Variants in CCDC148 observed in about 807,000 individuals in gnomAD.
CCDC148 encodes the protein coiled-coil domain-containing protein 148.
Under a neutral mutation model 85.7 loss-of-function variants are expected in CCDC148, and 89 were observed. The observed-to-expected ratio is 1.04, with a 90% CI of 0.87 to 1.24. The LOEUF (loss-of-function observed/expected upper bound fraction) is 1.24. Ranked by LOEUF, CCDC148 falls within the 50% of genes most tolerant of loss-of-function variation. CCDC148 has a pLI of 0.00. For missense variants in CCDC148, 692 were observed against 671.7 expected, an observed-to-expected ratio of 1.03 and a Z score of -0.33; for synonymous variants, 230 against 213.9, an observed-to-expected ratio of 1.08 and a Z score of -0.66.
intron 1 of CCDC148, among the ~76,000 whole-genome samples, chr2:158,371,336 C>A (rs975287808): frequency 6.6e-6 from 1 of 151,802 alleles, no homozygotes; most frequent in African/African-American, 2.4e-5. Flanking sequence ...TTTTTTAATG[C>A]TCTTTGGGAA....
intron 10 of CCDC148, among the ~76,000 whole-genome samples, chr2:158,244,532 C>G (rs1313885752): frequency 6.6e-6 from 1 of 152,120 alleles, no homozygotes; most frequent in Non-Finnish European, 1.5e-5. Context: ...TGGCCATCAG[C>G]CCGGGCCACC....
chr2:158,192,917 A>C (rs1461760893), intron 11 of CCDC148, among the ~76,000 whole-genome samples: 1 of 152,062 alleles, frequency 6.6e-6, no homozygotes, highest in Admixed American at 6.6e-5. Context: ...TATGTCCAAA[A>C]GATTATAATT....
At chr2:158,331,760 A>T (rs988597504) in intron 7 of CCDC148, among the ~76,000 whole-genome samples, 1 of 152,130 alleles carries the variant, frequency 6.6e-6, no homozygotes, top group African/African-American at 2.4e-5. Context: ...CCATTATGTA[A>T]TCACCTTCTT....
At chr2:158,327,068 A>G (rs1692814237) in intron 7 of CCDC148, among the ~76,000 whole-genome samples, 1 of 152,150 alleles carries the variant, frequency 6.6e-6, no homozygotes, top group Non-Finnish European at 1.5e-5. Flanking sequence ...TCCTATTGAT[A>G]TTAAGGTTTT....
Position 158,176,108 on chromosome 2 carries a change from C to G in CCDC148, c.1629+413G>C, listed in dbSNP as rs143129222. Among the ~76,000 whole-genome samples the G allele has an allele frequency of 5.0e-3, 767 of 152,022 alleles. 2 individuals carry two copies. The highest frequency in any genetic ancestry group is 0.017 in the African/African-American group (698 of 41,514). On this transcript the variant is annotated intron_variant, in intron 13 of 13. Coordinates refer to ENST00000283233, the MANE Select transcript of CCDC148 (RefSeq NM_138803.4). ...TTCTGTTCATTTTCATTTCTAAAAA[C>G]TTTCCTCTGCTTTGTCATCAGTATC... is the stretch of plus-strand genomic sequence containing the variant.
rs192925603 is a variant in CCDC148 at position 158,292,903 on chromosome 2, T to C, written c.1110+16530A>G. Among the ~76,000 whole-genome samples the C allele has an allele frequency of 2.4e-3, 358 of 152,324 alleles. 3 individuals carry two copies. Among genetic ancestry groups the C allele is most frequent in the African/African-American group, 8.2e-3 (343 of 41,578 alleles). ...AAAGGAGTACACAAGATTCCTCCTA[T>C]AGCACTTTTTTAATAAAGTCAATTT... On this transcript the variant is annotated intron_variant, in intron 9 of 13. Transcript: ENST00000283233.
intron 1 of CCDC148, among the ~76,000 whole-genome samples, chr2:158,401,011 A>T (rs1685756030): frequency 6.6e-6 from 1 of 152,234 alleles, no homozygotes; most frequent in Non-Finnish European, 1.5e-5. Context: ...ATATCATCTC[A>T]CGCCAGTTAG....
chr2:158,376,983 G>A (rs1684677076), intron 1 of CCDC148, among the ~76,000 whole-genome samples: 1 of 151,966 alleles, frequency 6.6e-6, no homozygotes, highest in Non-Finnish European at 1.5e-5. Context: ...GGTGATGTGA[G>A]GAGAGGGGCT....
At chr2:158,280,677 G>A (rs374795570) in intron 9 of CCDC148, among the ~76,000 whole-genome samples, 8 of 152,150 alleles carry the variant, frequency 5.3e-5, no homozygotes, top group Non-Finnish European at 1.0e-4. Context: ...CATTAATAAC[G>A]GGAGACTTTA....
chr2:158,216,483 G>A (rs1471546136), intron 11 of CCDC148, among the ~76,000 whole-genome samples: 19 of 130,412 alleles, frequency 1.5e-4, no homozygotes, highest in Admixed American at 1.2e-3. Context: ...TGCAACCTCC[G>A]CCTCCTGGGT....
At chr2:158,413,736 G>A (rs1686369972) in intron 1 of CCDC148, among the ~76,000 whole-genome samples, 1 of 152,086 alleles carries the variant, frequency 6.6e-6, no homozygotes, top group Non-Finnish European at 1.5e-5. Context: ...TGTGTAGCAT[G>A]AGAGTTGTAT....
chr2:158,406,449 G>A (rs989741921), intron 1 of CCDC148, among the ~76,000 whole-genome samples: 1 of 151,968 alleles, frequency 6.6e-6, no homozygotes, highest in Admixed American at 6.6e-5. Context: ...GGGCTAGTGT[G>A]AGGTCTGAGC....
At chr2:158,406,577 C>G (rs1475434323) in intron 1 of CCDC148, among the ~76,000 whole-genome samples, 1 of 145,174 alleles carries the variant, frequency 6.9e-6, no homozygotes, top group Non-Finnish European at 1.5e-5. Context: ...AAAGTGCACA[C>G]TCTTGAGGTT....
At chr2:158,345,418 C>A (rs1220843833) in intron 2 of CCDC148, 100 bp from the exon 3 acceptor site, 2 of 761,078 alleles carry the variant, frequency 2.6e-6, no homozygotes, top group South Asian at 2.1e-5. Context: ...TAAATAGTTT[C>A]TCTTTTAAAA....
At chr2:158,417,101 C>T (rs1686535285) in intron 1 of CCDC148, among the ~76,000 whole-genome samples, 1 of 152,098 alleles carries the variant, frequency 6.6e-6, no homozygotes, top group Non-Finnish European at 1.5e-5. Context: ...GGGGGAATTC[C>T]ACCCTCATGA....
chr2:158,189,852 T>C (rs536064422), intron 11 of CCDC148, among the ~76,000 whole-genome samples: 57 of 151,912 alleles, frequency 3.8e-4, no homozygotes, highest in African/African-American at 1.3e-3. Flanking sequence ...CTCCTGTGTA[T>C]CCCCAAGAAC....
chr2:158,359,704 C>A (rs1319338008), intron 1 of CCDC148, among the ~76,000 whole-genome samples: 3 of 152,196 alleles, frequency 2.0e-5, no homozygotes, highest in African/African-American at 7.2e-5. Flanking sequence ...CAGGAGATTT[C>A]CTCAAATGCC....
At chr2:158,229,112 T>C (rs1336788960) in intron 10 of CCDC148, among the ~76,000 whole-genome samples, 2 of 152,128 alleles carry the variant, frequency 1.3e-5, no homozygotes, top group African/African-American at 2.4e-5. Context: ...CCTTCCAACC[T>C]GTAATTCTCA....
intron 1 of CCDC148, among the ~76,000 whole-genome samples, chr2:158,421,905 T>A (rs898631845): frequency 2.0e-5 from 3 of 150,022 alleles, no homozygotes; most frequent in Admixed American, 6.6e-5. Context: ...GATAAAGGGG[T>A]TATCACCACC....
Sources: allele counts gnomAD v4.1 joint callset (sites outside exome capture counted in the v4.1 genomes callset), GRCh38; gene constraint gnomAD v4.1.1; transcripts MANE v1.5; gene names NCBI Gene and HGNC (gene_info 2026-07-23, HGNC 2026-07-21).